Variants in ERCC3 observed in about 807,000 individuals in gnomAD.
ERCC3 encodes ERCC excision repair 3, TFIIH core complex helicase subunit.
A neutral mutation model predicts 94.2 loss-of-function variants in ERCC3; 66 were observed. The ratio of observed to expected loss-of-function variants is 0.70; its 90% confidence interval spans 0.57 to 0.86. The LOEUF (loss-of-function observed/expected upper bound fraction) is 0.86. Among genes scored for constraint, ERCC3 ranks in the 40% least tolerant of loss-of-function variants. ERCC3 has a pLI of 0.00. For missense variants in ERCC3, 829 were observed against 987.1 expected, an observed-to-expected ratio of 0.84 and a Z score of 2.15; for synonymous variants, 349 against 369.1, an observed-to-expected ratio of 0.95 and a Z score of 0.63.
chr2:127,290,287 TAACATCC>T lies in ERCC3; in HGVS notation c.472-21_472-15del. On this transcript the variant is annotated splice_polypyrimidine_tract_variant and intron_variant, in intron 3 of 14. Transcript: ENST00000285398. ...GACAGTACACAACTGCAAATACAGA[TAACATCC>T]AACAGGTAAATGTGCAGCTAACTCA... 1 of 1,609,360 alleles carries T rather than the reference TAACATCC, an allele frequency of 6.2e-7. No individual in the cohort carries two copies. The highest frequency in any genetic ancestry group is 8.5e-7 in the Non-Finnish European group (1 of 1,175,690).
rs1684868427 is a variant in ERCC3, at chr2:127,280,339, G to A, written c.1527+108C>T. ...AGGATCCTGTATGAAGTGGTAGCAG[G>A]TGAGCCTAAGTCCTGACCTGTGTCT... is the stretch of plus-strand genomic sequence containing the variant. On this transcript the variant is annotated intron_variant, in intron 9 of 14. Transcript: ENST00000285398. The surrounding 1 kb of genome is among the most constrained non-coding windows in gnomAD (Gnocchi z 6.3). 2.0e-6 allele frequency: 2 copies of A among 1,011,534 alleles called. No individual in the cohort carries two copies. The highest frequency in any genetic ancestry group is 1.6e-5 in the African/African-American group (1 of 62,836). The allele number at this position is 1,011,534 out of a possible 1,614,324, so 62.7% of individuals were successfully genotyped here.
chr2:127,293,413 G>A, intron 2 of ERCC3, 100 bp downstream of exon 2: 1 of 1,092,314 alleles, frequency 9.2e-7, no homozygotes, highest in Non-Finnish European at 1.4e-6. Context: ...CCAGTTCTAG[G>A]GGCAGTATCC....
intron 6 of ERCC3, 54 bp from the exon 7 acceptor site, chr2:127,288,918 A>G (rs1685171714): frequency 7.3e-7 from 1 of 1,368,206 alleles, no homozygotes. Flanking sequence ...GCTCAAAAAC[A>G]TTACATCTTC....
chr2:127,279,138 T>C lies in ERCC3; in HGVS notation c.1730+35A>G. 6.9e-7 allele frequency: 1 copy of C among 1,450,154 alleles called. No individual in the cohort carries two copies. The highest frequency in any genetic ancestry group is 2.3e-5 in the East Asian group (1 of 44,084). The allele number at this position is 1,450,154 out of a possible 1,614,324, so 89.8% of individuals were successfully genotyped here. ...TGCACTCTCAATGGGGAAGAGAAAC[T>C]GGCCTGGAGGAAGCTCCAAGTTTTC... On this transcript the variant is annotated intron_variant, in intron 10 of 14. Transcript: ENST00000285398. This position sits in a 1 kb window ranked among gnomAD's most constrained non-coding sequence, Gnocchi z 4.7.
chr2:127,271,578 G>C lies in ERCC3; in HGVS notation c.1828-125C>G, dbSNP rs1684552411. On this transcript the variant is annotated intron_variant, in intron 11 of 14. Transcript: ENST00000285398. This position sits in a 1 kb window ranked among gnomAD's most constrained non-coding sequence, Gnocchi z 5.0. ...CACTCTTTTCTCCTCTTTATACCAGGGTCTATCTGATGCAGGCAGAGAGAG... is the reference window on the plus strand; with the variant it reads ...CACTCTTTTCTCCTCTTTATACCAGCGTCTATCTGATGCAGGCAGAGAGAG... The C allele has an allele frequency of 1.3e-6, 1 of 756,072 alleles. No homozygotes were observed. The highest frequency in any genetic ancestry group is 2.3e-6 in the Non-Finnish European group (1 of 431,394). 46.8% of individuals were successfully genotyped at this position (756,072 alleles called of 1,614,324 possible). A position where few individuals can be genotyped will look rare whatever the true frequency, so the allele number is the denominator to read the frequency against.
At chr2:127,293,366 G>C in intron 2 of ERCC3, 147 bp downstream of exon 2, 1 of 763,878 alleles carries the variant, frequency 1.3e-6, no homozygotes, top group South Asian at 1.7e-5. Flanking sequence ...GTTGCCTTGG[G>C]CTGTTCCAAC....
At position 127,271,526 on chromosome 2, in the gene ERCC3, G is replaced by A. The variant is rs1684551258; in HGVS notation, c.1828-73C>T. The stretch of plus-strand genomic sequence containing the variant: ...GTCAACTGATCCAGAATTTAAATAA[G>A]TTCTGTAGATAATTTTGAAACATAA... On this transcript the variant is annotated intron_variant, in intron 11 of 14. Transcript: ENST00000285398. The surrounding 1 kb of genome is among the most constrained non-coding windows in gnomAD (Gnocchi z 5.0). 1.0e-6 allele frequency: 1 copy of A among 997,972 alleles called. No individual in the cohort carries two copies. The highest frequency in any genetic ancestry group is 1.6e-5 in the African/African-American group (1 of 62,940). The allele number at this position is 997,972 out of a possible 1,614,324, so 61.8% of individuals were successfully genotyped here. A position where few individuals can be genotyped will look rare whatever the true frequency, so the allele number is the denominator to read the frequency against.
rs1464840646 is a variant in ERCC3 at position 127,289,702 on chromosome 2, G to A, written c.644C>T (p.Thr215Ile). Residue 215 changes from threonine (T) to isoleucine (I), a missense_variant, in exon 5 of 15, where the codon ACA (threonine) becomes ATA (isoleucine). Physicochemically the swap from Thr to Ile is moderately conservative, Grantham distance 89. Transcript: ENST00000285398. ...EATELITETF[T>I]SKSAISKTAE... The stretch of plus-strand genomic sequence containing the variant: ...GAGTCCACATACGGCAGATTTGCTT[G>A]TGAAAGTCTCTGTGATGAGCTCAGT... 1.2e-6 allele frequency: 2 copies of A among 1,614,168 alleles called. No homozygotes were observed. Among genetic ancestry groups the A allele is most frequent in the East Asian group, 4.5e-5 (2 of 44,882 alleles).
In ERCC3 at chr2:127,258,172, A is replaced by T. The variant is rs1370550558; in HGVS notation, c.2218-445T>A. 6.6e-6 allele frequency among the ~76,000 whole-genome samples: 1 copy of T among 152,028 alleles called. No homozygotes were observed. The highest frequency in any genetic ancestry group is 1.9e-4 in the East Asian group (1 of 5,188). Reference sequence around the variant, plus strand: ...GGTCTCAAACTCCTGGACTCAACTGATCCTCCCGCCTAGGCCTCCCAAAGT... The same window carrying T: ...GGTCTCAAACTCCTGGACTCAACTGTTCCTCCCGCCTAGGCCTCCCAAAGT... On this transcript the variant is annotated intron_variant, in intron 14 of 14. Transcript: ENST00000285398. The surrounding 1 kb of genome is among the most constrained non-coding windows in gnomAD (Gnocchi z 4.1).
intron 12 of ERCC3, chr2:127,261,649 TA>T (rs1327615308): frequency 2.6e-6 from 1 of 388,754 alleles, no homozygotes; most frequent in East Asian, 5.8e-5. Context: ...AAATTAATTA[TA>T]AATGAGAGAA....
intron 10 of ERCC3, among the ~76,000 whole-genome samples, chr2:127,275,218 TG>T (rs1463060224): frequency 6.6e-6 from 1 of 151,938 alleles, no homozygotes; most frequent in East Asian, 1.9e-4. Flanking sequence ...TTTTAAAGGA[TG>T]GGGTCTCACT....
At chr2:127,287,214 G>A (rs1419841857) in intron 7 of ERCC3, among the ~76,000 whole-genome samples, 197 bp from the exon 8 acceptor site, 1 of 152,190 alleles carries the variant, frequency 6.6e-6, no homozygotes, top group East Asian at 1.9e-4. Flanking sequence ...ACATACATAT[G>A]TGAGAAATGG....
In ERCC3 at chr2:127,280,882, C is replaced by A; in HGVS notation, c.1343-251G>T. On this transcript the variant is annotated intron_variant, in intron 8 of 14. Coordinates refer to ENST00000285398, the MANE Select transcript of ERCC3 (RefSeq NM_000122.2). The surrounding 1 kb of genome is among the most constrained non-coding windows in gnomAD (Gnocchi z 6.3). ...TGTGCAACTTAACACTGGCTTATGA[C>A]ACCACCTGAACTAACCCTTGGGTTT... The A allele has an allele frequency of 1.8e-6, 1 of 552,112 alleles. No individual in the cohort carries two copies. The highest frequency in any genetic ancestry group is 2.8e-5 in the South Asian group (1 of 35,348). The allele number at this position is 552,112 out of a possible 1,614,324, so 34.2% of individuals were successfully genotyped here. A position where few individuals can be genotyped will look rare whatever the true frequency, so the allele number is the denominator to read the frequency against.
In ERCC3 at chr2:127,279,283, TTTGTTGGGG is replaced by T. The variant is rs1469020875; in HGVS notation, c.1611_1619del (p.Asn537_Asn539del). 6.2e-7 allele frequency: 1 copy of T among 1,613,834 alleles called. No individual in the cohort carries two copies. Among genetic ancestry groups the T allele is most frequent in the African/African-American group, 1.3e-5 (1 of 74,922 alleles). ...TGATCAGAAACTGGCAAGCTCTAAA[TTTGTTGGGG>T]TTCATGGTGTACAGCAAGATTCGTT... On this transcript the variant is annotated inframe_deletion, in exon 10 of 15. Transcript: ENST00000285398. The surrounding 1 kb of genome is among the most constrained non-coding windows in gnomAD (Gnocchi z 4.7).
chr2:127,287,549 T>C (rs1685119958), intron 7 of ERCC3, among the ~76,000 whole-genome samples: 1 of 152,018 alleles, frequency 6.6e-6, no homozygotes, highest in Non-Finnish European at 1.5e-5. Flanking sequence ...CAGGAGAATA[T>C]CTTGAACCCA....
chr2:127,262,594 C>T (rs1382411026), intron 12 of ERCC3: 1 of 152,220 alleles, frequency 6.6e-6, no homozygotes, highest in Non-Finnish European at 1.5e-5. Context: ...CAGAAAAGGC[C>T]TACAGACATC....
At chr2:127,278,135 G>A (rs1415350825) in intron 10 of ERCC3, among the ~76,000 whole-genome samples, 1 of 151,950 alleles carries the variant, frequency 6.6e-6, no homozygotes, top group Non-Finnish European at 1.5e-5. Context: ...CTACTCGGGA[G>A]GCTGAGGTGG....
In ERCC3 at chr2:127,288,781, G is replaced by A; in HGVS notation, c.906C>T (p.Val302=). 6.2e-7 allele frequency: 1 copy of A among 1,614,018 alleles called. No individual in the cohort carries two copies. Residue 302 remains valine (V), a synonymous_variant, in exon 7 of 15, where the codon GTC becomes GTT. Coordinates refer to ENST00000285398, the MANE Select transcript of ERCC3 (RefSeq NM_000122.2). ...LAEYDFRNDS[V]NPDINIDLKP... is the part of the protein sequence containing the mutation. ...TTAGGTCAATGTTGATATCAGGGTTGACAGAATCATTCCGGAAGTCATATT... is the reference window on the plus strand; with the variant it reads ...TTAGGTCAATGTTGATATCAGGGTTAACAGAATCATTCCGGAAGTCATATT...
chr2:127,273,322 C>CA (rs978879586), intron 10 of ERCC3, among the ~76,000 whole-genome samples: 7 of 152,100 alleles, frequency 4.6e-5, no homozygotes, highest in Non-Finnish European at 7.4e-5. Context: ...CTGCTATTTC[C>CA]AAAAAAAGGC....
Sources: allele counts gnomAD v4.1 joint callset (sites outside exome capture counted in the v4.1 genomes callset), GRCh38; gene constraint gnomAD v4.1.1; non-coding constraint Gnocchi (gnomAD v3.1); transcripts MANE v1.5; gene names NCBI Gene and HGNC (gene_info 2026-07-23, HGNC 2026-07-21).